The following FAM184B variants were observed in gnomAD, a reference collection of about 807,000 sequenced individuals.
FAM184B encodes the protein family with sequence similarity 184 member B.
In FAM184B, 111 loss-of-function variants were observed where a neutral mutation model predicts 135.9. The ratio of observed to expected loss-of-function variants is 0.82; its 90% CI spans 0.70 to 0.96. The LOEUF (loss-of-function observed/expected upper bound fraction) is 0.96. FAM184B is among the 40% of genes least tolerant of loss of function. The pLI is 0.00. For missense variants in FAM184B, 1,375 were observed against 1,323.9 expected (o/e 1.04, Z -0.60); for synonymous variants, 552 against 524.8 (o/e 1.05, Z -0.71).
intron 1 of FAM184B, among the ~76,000 whole-genome samples, chr4:17,743,405 T>C (rs1718089816): frequency 1.3e-5 from 2 of 152,174 alleles, no homozygotes; most frequent in African/African-American, 2.4e-5. Context: ...TCACCTGTTA[T>C]AAAGTTCACT....
intron 1 of FAM184B, among the ~76,000 whole-genome samples, chr4:17,766,136 A>C (rs550290473): frequency 5.9e-5 from 9 of 152,302 alleles, no homozygotes; most frequent in African/African-American, 1.9e-4. Context: ...CCAGGTTGCC[A>C]TTGCTGGGTC....
At chr4:17,648,458 T>C (rs1425455036) in intron 11 of FAM184B, among the ~76,000 whole-genome samples, 2 of 151,880 alleles carry the variant, frequency 1.3e-5, no homozygotes, top group Non-Finnish European at 2.9e-5. Context: ...GCAATTCTCC[T>C]GCCTTAGCCT....
At chr4:17,653,456 C>A (rs1715686230) in intron 10 of FAM184B, among the ~76,000 whole-genome samples, 1 of 152,160 alleles carries the variant, frequency 6.6e-6, no homozygotes, top group African/African-American at 2.4e-5. Flanking sequence ...TGAGGGGTCC[C>A]TACAGCTTTT....
chr4:17,739,788 T>G (rs1318836813), intron 1 of FAM184B, among the ~76,000 whole-genome samples: 1 of 151,730 alleles, frequency 6.6e-6, no homozygotes, highest in African/African-American at 2.4e-5. Context: ...ACTCCTGACC[T>G]CAAGTGACCC....
At chr4:17,773,242 G>T (rs191772230) in intron 1 of FAM184B, among the ~76,000 whole-genome samples, 27 of 152,306 alleles carry the variant, frequency 1.8e-4, no homozygotes, top group Admixed American at 1.6e-3. Flanking sequence ...CACAAAGGAT[G>T]AGTAAGTATG....
At position 17,714,458 on chromosome 4, in the gene FAM184B, A is replaced by G. The variant is rs1717364107; in HGVS notation, c.142-4814T>C. Among the ~76,000 whole-genome samples the G allele has an allele frequency of 1.3e-5, 2 of 152,104 alleles. 1 individual carries two copies. The highest frequency in any genetic ancestry group is 4.1e-4 in the South Asian group (2 of 4,824). Reference sequence around the variant, plus strand: ...CAAGATGGAAGGCATCCGAGCCCTGAAGGACCAGGGAGAAGGCCACCTACT... The same window carrying G: ...CAAGATGGAAGGCATCCGAGCCCTGGAGGACCAGGGAGAAGGCCACCTACT... On this transcript the variant is annotated intron_variant, in intron 1 of 17. Coordinates refer to ENST00000265018, the MANE Select transcript of FAM184B (RefSeq NM_015688.2).
Position 17,642,190 on chromosome 4 carries a change from GC to G in FAM184B, c.2384del (p.Gly795AlafsTer96). On this transcript the variant is annotated frameshift_variant, in exon 13 of 18. Transcript: ENST00000265018. LOFTEE classifies it high-confidence loss of function. Reference sequence around the variant, plus strand: ...CCTCGCCGGAACCCTGCCCAGCAGCGCCCGGTGGGGAGCCGGCCTGGCCCGG... The same window carrying G: ...CCTCGCCGGAACCCTGCCCAGCAGCGCCGGTGGGGAGCCGGCCTGGCCCGG... ...GGPGQAGSPP[G>X]AAGQGSGEGC... 1 of 1,527,096 alleles carries G rather than the reference GC, an allele frequency of 6.5e-7. No homozygotes were observed. Among genetic ancestry groups the G allele is most frequent in the Non-Finnish European group, 8.7e-7 (1 of 1,143,160 alleles). 94.6% of individuals were successfully genotyped at this position (1,527,096 alleles called of 1,614,324 possible).
At chr4:17,753,887 T>C (rs1270891791) in intron 1 of FAM184B, among the ~76,000 whole-genome samples, 1 of 152,218 alleles carries the variant, frequency 6.6e-6, no homozygotes, top group African/African-American at 2.4e-5. Flanking sequence ...ACAATTGAAG[T>C]TGACCTCTTA....
intron 12 of FAM184B, among the ~76,000 whole-genome samples, chr4:17,646,673 C>T (rs1715476171): frequency 1.3e-5 from 2 of 151,984 alleles, no homozygotes; most frequent in Non-Finnish European, 2.9e-5. Context: ...GGCACATGCA[C>T]ACATATGTAA....
chr4:17,664,752 G>A (rs1716006258), intron 7 of FAM184B, 93 bp from the exon 8 acceptor site: 2 of 1,062,962 alleles, frequency 1.9e-6, no homozygotes, highest in East Asian at 2.6e-5. Context: ...TCAAATCAGA[G>A]AGCAGAGAAG....
At position 17,685,602 on chromosome 4, in the gene FAM184B, C is replaced by T. The variant is rs550857400; in HGVS notation, c.1596+2822G>A. Among the ~76,000 whole-genome samples the T allele has an allele frequency of 3.4e-4, 51 of 150,098 alleles. 1 individual carries two copies. Among genetic ancestry groups the T allele is most frequent in the South Asian group, 2.3e-3 (11 of 4,704 alleles). ...AAAGACTGAGGAGTTTCCTGGTGAA[C>T]CAACCCATGGTTCCCAACAGGCACT... is the stretch of plus-strand genomic sequence containing the variant. On this transcript the variant is annotated intron_variant, in intron 7 of 17. Transcript: ENST00000265018.
chr4:17,744,461 TCACACACACA>T (rs57912683), intron 1 of FAM184B, among the ~76,000 whole-genome samples: 1 of 140,878 alleles, frequency 7.1e-6, no homozygotes, highest in African/African-American at 2.6e-5. Flanking sequence ...TCTCTCTCTC[TCACACACACA>T]CACACACACA....
intron 1 of FAM184B, among the ~76,000 whole-genome samples, chr4:17,749,906 T>A (rs1015401567): frequency 7.2e-6 from 1 of 139,068 alleles, no homozygotes; most frequent in Non-Finnish European, 1.6e-5. Context: ...TTTACCGTTA[T>A]AATGTAAGTG....
At chr4:17,733,357 A>G (rs192327940) in intron 1 of FAM184B, among the ~76,000 whole-genome samples, 1 of 152,322 alleles carries the variant, frequency 6.6e-6, no homozygotes, top group East Asian at 1.9e-4. Context: ...CAGGAGACAG[A>G]AAGGGTATTC....
At chr4:17,749,970 A>G (rs1317289596) in intron 1 of FAM184B, among the ~76,000 whole-genome samples, 1 of 152,112 alleles carries the variant, frequency 6.6e-6, no homozygotes, top group Non-Finnish European at 1.5e-5. Context: ...TCCATCATGT[A>G]CCTCAATCAT....
chr4:17,683,276 G>A (rs1036709126), intron 7 of FAM184B, among the ~76,000 whole-genome samples: 2 of 152,144 alleles, frequency 1.3e-5, no homozygotes, highest in Non-Finnish European at 2.9e-5. Context: ...GGCAAGTGAT[G>A]GTATCTATTG....
At chr4:17,712,338 C>T (rs1054461307) in intron 1 of FAM184B, among the ~76,000 whole-genome samples, 1 of 152,096 alleles carries the variant, frequency 6.6e-6, no homozygotes, top group Non-Finnish European at 1.5e-5. Context: ...CAGAGTGAAC[C>T]CCACATGAGA....
chr4:17,693,753 C>T (rs141781852), intron 5 of FAM184B, among the ~76,000 whole-genome samples: 3 of 152,264 alleles, frequency 2.0e-5, no homozygotes, highest in East Asian at 1.9e-4. Context: ...ACTACATTTT[C>T]GGATGCAGGG....
rs189964662 is a variant in FAM184B, at chr4:17,684,988, G to A, written c.1596+3436C>T. 1.2e-3 allele frequency among the ~76,000 whole-genome samples: 182 copies of A among 151,998 alleles called. No individual in the cohort carries two copies. The Middle Eastern group carries it at 0.02, about 17-fold the overall frequency. On this transcript the variant is annotated intron_variant, in intron 7 of 17. Coordinates refer to ENST00000265018, the MANE Select transcript of FAM184B (RefSeq NM_015688.2). ...GTTCTCACTTATAAGTGGGAGCTGA[G>A]CAATGAGAACACATGGATGCAGGGA... is the stretch of plus-strand genomic sequence containing the variant.
Sources: allele counts gnomAD v4.1 joint callset (sites outside exome capture counted in the v4.1 genomes callset), GRCh38; gene constraint gnomAD v4.1.1; transcripts MANE v1.5; gene names NCBI Gene and HGNC (gene_info 2026-07-23, HGNC 2026-07-21).